MAOA: variants seen among roughly 807,000 people sequenced by gnomAD.
The protein encoded by MAOA is monoamine oxidase A.
MAOA carries 6 observed loss-of-function variants against 42.0 expected under a neutral mutation model. That is an observed-to-expected ratio of 0.14 (90% CI 0.08 to 0.28). The LOEUF (loss-of-function observed/expected upper bound fraction) is 0.28. Ranked by LOEUF, MAOA falls within the 10% of genes least tolerant of loss-of-function variation. MAOA has a pLI of 1.00. For synonymous variants in MAOA, 140 were observed against 154.0 expected (o/e 0.91, Z 0.67); for missense variants, 262 against 422.3 (o/e 0.62, Z 3.33).
chrX:43,732,649 T>A (rs763644282), intron 8 of MAOA, 50 bp from the exon 9 acceptor site: 4 of 829,702 alleles, frequency 4.8e-6, no homozygotes, highest in Non-Finnish European at 7.3e-6. Flanking sequence ...TGTATGGGTG[T>A]CTCTGATGAG....
intron 1 of MAOA, among the ~76,000 whole-genome samples, chrX:43,670,364 T>C (rs2147073731): frequency 8.9e-6 from 1 of 111,972 alleles, no homozygotes; most frequent in Admixed American, 9.5e-5. Context: ...TTTTAAACTG[T>C]GAATGCCTTC....
At chrX:43,676,149 C>G (rs1055942683) in intron 1 of MAOA, among the ~76,000 whole-genome samples, 2 of 112,050 alleles carry the variant, frequency 1.8e-5, no homozygotes, top group Non-Finnish European at 3.8e-5. Flanking sequence ...TGGGCAATGG[C>G]GGGTGCCCCT....
At chrX:43,707,530 G>A (rs907692188) in intron 3 of MAOA, among the ~76,000 whole-genome samples, 1 of 112,036 alleles carries the variant, frequency 8.9e-6, no homozygotes, top group Non-Finnish European at 1.9e-5. Flanking sequence ...GTGAAGCTAT[G>A]TATGTTTGAA....
At chrX:43,680,153 A>G in intron 1 of MAOA, among the ~76,000 whole-genome samples, 1 of 111,976 alleles carries the variant, frequency 8.9e-6, no homozygotes, top group Non-Finnish European at 1.9e-5. Context: ...AGCAGATAGC[A>G]GTGCTGGATA....
chrX:43,656,928 T>C (rs1403363410), intron 1 of MAOA, among the ~76,000 whole-genome samples: 1 of 109,337 alleles, frequency 9.1e-6, no homozygotes, highest in African/African-American at 3.3e-5. Flanking sequence ...AGGATACAGA[T>C]TTCTGTAGTA....
chrX:43,735,514 C>T (rs777967534), intron 9 of MAOA, among the ~76,000 whole-genome samples: 14 of 112,307 alleles, frequency 1.2e-4, no homozygotes, highest in Non-Finnish European at 2.4e-4. Flanking sequence ...TCCAGGGAAG[C>T]TGACTCAGAG....
chrX:43,683,068 G>A (rs753118478), intron 1 of MAOA, among the ~76,000 whole-genome samples: 5 of 111,417 alleles, frequency 4.5e-5, no homozygotes, highest in Non-Finnish European at 9.4e-5. Flanking sequence ...GATTATACAG[G>A]ATTTTTAAGT....
chrX:43,711,771 T>A, intron 3 of MAOA, 101 bp from the exon 4 acceptor site: 2 of 603,968 alleles, frequency 3.3e-6, no homozygotes, highest in Non-Finnish European at 2.8e-6. Context: ...GTCTGGTTAC[T>A]TTGCAAGTCT....
chrX:43,666,544 A>G (rs924381382), intron 1 of MAOA, among the ~76,000 whole-genome samples: 2 of 111,571 alleles, frequency 1.8e-5, no homozygotes, highest in African/African-American at 6.5e-5. Context: ...CCAAGCCACC[A>G]TGATCTCTTG....
At chrX:43,673,349 GC>G (rs1374041493) in intron 1 of MAOA, among the ~76,000 whole-genome samples, 1 of 108,903 alleles carries the variant, frequency 9.2e-6, no homozygotes, top group Non-Finnish European at 1.9e-5. Flanking sequence ...TATTAGCCTT[GC>G]TAGCGGTCTG....
intron 1 of MAOA, among the ~76,000 whole-genome samples, chrX:43,670,504 A>T (rs960107165): frequency 9.3e-6 from 1 of 107,456 alleles, no homozygotes; most frequent in Non-Finnish European, 1.9e-5. Context: ...TGTGCAGGTT[A>T]GTTACATATG....
At chrX:43,709,787 G>A (rs770439049) in intron 3 of MAOA, among the ~76,000 whole-genome samples, 5 of 111,548 alleles carry the variant, frequency 4.5e-5, no homozygotes, top group Non-Finnish European at 5.6e-5. Context: ...TTCTCTCAGA[G>A]TATGTATTAG....
In MAOA at chrX:43,709,422, T is replaced by A. The variant is rs181938599; in HGVS notation, c.307-2450T>A. Among the ~76,000 whole-genome samples the A allele has an allele frequency of 2.7e-5, 3 of 110,988 alleles. No individual in the cohort carries two copies. In the East Asian group the frequency reaches 8.5e-4, roughly 31 times the overall value. ...CTATTGAGAATATTTATTTATTTAT[T>A]TATTTAAGACAGAGTCTCGCTCTGT... On this transcript the variant is annotated intron_variant, in intron 3 of 14. Coordinates refer to ENST00000338702, the MANE Select transcript of MAOA (RefSeq NM_000240.4).
At chrX:43,676,436 G>T (rs967207412) in intron 1 of MAOA, among the ~76,000 whole-genome samples, 1 of 110,905 alleles carries the variant, frequency 9.0e-6, no homozygotes, top group Non-Finnish European at 1.9e-5. Context: ...GCTCGCGCAC[G>T]GTGCACCGCA....
At chrX:43,701,427 C>T (rs1446158500) in intron 3 of MAOA, among the ~76,000 whole-genome samples, 1 of 111,576 alleles carries the variant, frequency 9.0e-6, no homozygotes, top group Non-Finnish European at 1.9e-5. Context: ...TGGTAAAGTA[C>T]ACTAACATAA....
In MAOA at chrX:43,710,168, G is replaced by A. The variant is rs937248611; in HGVS notation, c.307-1704G>A. 1.2e-4 allele frequency among the ~76,000 whole-genome samples: 13 copies of A among 112,405 alleles called. 1 individual carries two copies. Among genetic ancestry groups the A allele is most frequent in the Admixed American group, 1.0e-3 (11 of 10,585 alleles). On this transcript the variant is annotated intron_variant, in intron 3 of 14. Transcript: ENST00000338702. ...CACAGGGTTGGAGTGAGCATTGCAC[G>A]AGATAATGCATATGAAGGGCTTTAG...
chrX:43,693,195 T>G, intron 2 of MAOA, 96 bp from the exon 3 acceptor site: 1 of 895,288 alleles, frequency 1.1e-6, no homozygotes, highest in East Asian at 3.2e-5. Flanking sequence ...AAGGCACAAT[T>G]AACTTTTAAA....
chrX:43,739,351 T>C (rs767761425), intron 10 of MAOA, among the ~76,000 whole-genome samples: 2 of 112,096 alleles, frequency 1.8e-5, no homozygotes, highest in Non-Finnish European at 3.8e-5. Context: ...GGAGTGGCAT[T>C]TGTCTCTCCC....
intron 5 of MAOA, among the ~76,000 whole-genome samples, chrX:43,719,374 T>A (rs2033770525): frequency 1.8e-5 from 2 of 110,036 alleles, no homozygotes; most frequent in Admixed American, 9.6e-5. Context: ...GGGCAGTAGG[T>A]AACAGTGGAT....
Sources: gnomAD v4.1 joint callset for allele counts (sites outside exome capture counted in the v4.1 genomes callset) on GRCh38, gnomAD v4.1.1 for gene constraint, MANE v1.5 for transcripts, NCBI Gene and HGNC (gene_info 2026-07-23, HGNC 2026-07-21) for gene names.